The following MARCHF1 variants were observed in gnomAD, a reference collection of about 807,000 sequenced individuals.
MARCHF1 encodes the protein membrane associated ring-CH-type finger 1.
MARCHF1 carries 40 observed loss-of-function variants against 54.2 expected under a neutral mutation model. The observed-to-expected ratio is 0.74, with a 90% confidence interval of 0.57 to 0.96. MARCHF1 has a LOEUF of 0.96. Among genes scored for constraint, MARCHF1 ranks in the 40% least tolerant of loss-of-function variants. MARCHF1 has a pLI of 0.00. For missense variants in MARCHF1, 586 were observed against 656.5 expected, an observed-to-expected ratio of 0.89 and a Z score of 1.17; for synonymous variants, 236 against 236.3, an observed-to-expected ratio of 1.00 and a Z score of 0.01.
At chr4:163,590,081 T>TGTGTGTGTGTGTGTGTGC (rs1418994546) in intron 7 of MARCHF1, among the ~76,000 whole-genome samples, 4 of 151,798 alleles carry the variant, frequency 2.6e-5, no homozygotes, top group Admixed American at 6.6e-5. Context: ...TGTGTGTGTG[T>TGTGTGTGTGTGTGTGTGC]GCTTCACATC....
At chr4:163,765,386 G>A (rs770704536) in intron 4 of MARCHF1, among the ~76,000 whole-genome samples, 6 of 152,036 alleles carry the variant, frequency 3.9e-5, no homozygotes, top group Admixed American at 6.6e-5. Context: ...ACATTCCAAT[G>A]TACATTTTCA....
At chr4:163,768,504 C>G (rs1354340913) in intron 4 of MARCHF1, among the ~76,000 whole-genome samples, 1 of 152,146 alleles carries the variant, frequency 6.6e-6, no homozygotes, top group African/African-American at 2.4e-5. Context: ...AAAAAAAGTT[C>G]TGTCAAACAT....
chr4:163,975,004 T>G (rs2110849501), intron 3 of MARCHF1, among the ~76,000 whole-genome samples: 1 of 152,240 alleles, frequency 6.6e-6, no homozygotes, highest in South Asian at 2.1e-4. Flanking sequence ...ATAGGATTTT[T>G]TATGCCTTTA....
At chr4:164,295,412 T>G (rs111319436) in intron 1 of MARCHF1, among the ~76,000 whole-genome samples, 1 of 150,380 alleles carries the variant, frequency 6.6e-6, no homozygotes, top group African/African-American at 2.4e-5. Context: ...TGGGGTGATG[T>G]GTTCTGAACT....
At chr4:164,113,025 T>A (rs924585852) in intron 1 of MARCHF1, among the ~76,000 whole-genome samples, 5 of 134,604 alleles carry the variant, frequency 3.7e-5, no homozygotes, top group East Asian at 2.0e-4. Context: ...AAGAATGATA[T>A]CTTTCCTTGG....
At chr4:164,279,116 A>G (rs1733959446) in intron 1 of MARCHF1, among the ~76,000 whole-genome samples, 1 of 151,766 alleles carries the variant, frequency 6.6e-6, no homozygotes, top group Non-Finnish European at 1.5e-5. Context: ...GTCAGAAAAA[A>G]AAAAGCCAAA....
intron 2 of MARCHF1, among the ~76,000 whole-genome samples, chr4:164,059,376 TC>T (rs952925367): frequency 6.6e-6 from 1 of 152,204 alleles, no homozygotes; most frequent in African/African-American, 2.4e-5. Context: ...GTAGAATGCT[TC>T]AAGACAAGGC....
At chr4:163,986,872 G>A (rs1050675233) in intron 3 of MARCHF1, among the ~76,000 whole-genome samples, 1 of 152,154 alleles carries the variant, frequency 6.6e-6, no homozygotes, top group Non-Finnish European at 1.5e-5. Context: ...TTCTGGCGAA[G>A]ACCTGGAATT....
intron 5 of MARCHF1, 120 bp downstream of exon 5, chr4:163,700,693 T>C (rs1227069111): frequency 2.7e-6 from 2 of 748,040 alleles, no homozygotes; most frequent in African/African-American, 3.5e-5. Context: ...GTTAAAACCA[T>C]GAACAAATCA....
At chr4:164,147,949 A>C (rs770959602) in intron 1 of MARCHF1, among the ~76,000 whole-genome samples, 49 of 152,176 alleles carry the variant, frequency 3.2e-4, no homozygotes, top group Non-Finnish European at 6.6e-4. Context: ...AAATATAGCA[A>C]AGTATAATCT....
chr4:163,529,116 A>C, intron 9 of MARCHF1, 70 bp from the exon 10 acceptor site: 1 of 1,202,172 alleles, frequency 8.3e-7, no homozygotes. Flanking sequence ...TTTTTTTTCT[A>C]TGACCCTTCA....
rs544833287 is a variant in MARCHF1, at chr4:164,139,052, T to C, written c.-322-27390A>G. On this transcript the variant is annotated intron_variant, in intron 1 of 9. Transcript: ENST00000514618. ...AATGTATATTAAAGCAATGATTTTA[T>C]TTTGGTCTAGTACATGAAACATAAG... Among the ~76,000 whole-genome samples, 14 of 152,338 alleles carry C rather than the reference T, an allele frequency of 9.2e-5. No individual in the cohort carries two copies. In the East Asian group the frequency reaches 2.7e-3, roughly 29 times the overall value.
intron 3 of MARCHF1, among the ~76,000 whole-genome samples, chr4:163,959,071 C>G (rs1006639182): frequency 3.3e-5 from 5 of 151,856 alleles, no homozygotes; most frequent in Non-Finnish European, 7.4e-5. Flanking sequence ...GTGAGGTTAT[C>G]TGAGAATCTG....
rs1735098070 is a variant in MARCHF1 at position 164,319,990 on chromosome 4, AC to A, written c.-323+63879del. 2.0e-5 allele frequency among the ~76,000 whole-genome samples: 3 copies of A among 152,262 alleles called. No individual in the cohort carries two copies. In the South Asian group the frequency reaches 6.2e-4, roughly 32 times the overall value. ...GATTAACATATGTATAATTTTTTTTACTGTAAGAGGGATAATATAAACACAA... is the reference window on the plus strand; with the variant it reads ...GATTAACATATGTATAATTTTTTTTATGTAAGAGGGATAATATAAACACAA... On this transcript the variant is annotated intron_variant, in intron 1 of 9. Transcript: ENST00000514618.
At chr4:163,740,891 C>G (rs1284048672) in intron 4 of MARCHF1, among the ~76,000 whole-genome samples, 1 of 152,202 alleles carries the variant, frequency 6.6e-6, no homozygotes, top group African/African-American at 2.4e-5. Flanking sequence ...TTTATGTCAT[C>G]TGCTGCAAAG....
At chr4:163,552,359 A>T (rs1433427219) in intron 8 of MARCHF1, among the ~76,000 whole-genome samples, 1 of 152,208 alleles carries the variant, frequency 6.6e-6, no homozygotes, top group Non-Finnish European at 1.5e-5. Flanking sequence ...ATCTTGAGAC[A>T]GTGTGTGCAC....
At chr4:163,721,965 C>T (rs1224246600) in intron 4 of MARCHF1, among the ~76,000 whole-genome samples, 2 of 151,926 alleles carry the variant, frequency 1.3e-5, no homozygotes, top group African/African-American at 2.4e-5. Context: ...TTTTGTTGAT[C>T]GTTTCAAAAA....
intron 2 of MARCHF1, among the ~76,000 whole-genome samples, chr4:164,092,258 T>A (rs1369527448): frequency 6.6e-6 from 1 of 152,156 alleles, no homozygotes; most frequent in Non-Finnish European, 1.5e-5. Flanking sequence ...GAATAGACAC[T>A]TATTCTGGAT....
In MARCHF1 at chr4:164,176,955, T is replaced by A. The variant is rs1349184129; in HGVS notation, c.-322-65293A>T. ...GTACCTTGTGCGCTCTCTCTCTCTC[T>A]CTCTCTCTCTCTCTCTCTCTCTCTC... On this transcript the variant is annotated intron_variant, in intron 1 of 9. Coordinates refer to ENST00000514618, the MANE Select transcript of MARCHF1 (RefSeq NM_001394959.1). Among the ~76,000 whole-genome samples, 180 of 43,168 alleles carry A rather than the reference T, an allele frequency of 4.2e-3. 4 individuals carry two copies. Among genetic ancestry groups the A allele is most frequent in the African/African-American group, 0.02 (168 of 8,204 alleles). 28.3% of individuals were successfully genotyped at this position (43,168 alleles called of 152,430 possible).
Sources: gnomAD v4.1 joint callset for allele counts (sites outside exome capture counted in the v4.1 genomes callset) on GRCh38, gnomAD v4.1.1 for gene constraint, MANE v1.5 for transcripts, NCBI Gene and HGNC (gene_info 2026-07-23, HGNC 2026-07-21) for gene names.